The following USH1C variants were observed in gnomAD, a reference collection of about 807,000 sequenced individuals.
The protein encoded by USH1C is harmonin.
In USH1C, 90 loss-of-function variants were observed where a neutral mutation model predicts 119.3. That is an observed-to-expected ratio of 0.75 (90% CI 0.64 to 0.90). The LOEUF (loss-of-function observed/expected upper bound fraction) is 0.90, where lower values mean the gene tolerates loss of function less well. Among genes scored for constraint, USH1C ranks in the 40% least tolerant of loss-of-function variants. The pLI, the probability that USH1C is intolerant of heterozygous loss-of-function variation, is 0.00. For missense variants in USH1C, 1,165 were observed against 1,167.7 expected, an observed-to-expected ratio of 1.00 and a Z score of 0.03; for synonymous variants, 465 against 443.3, an observed-to-expected ratio of 1.05 and a Z score of -0.62.
intron 1 of USH1C, among the ~76,000 whole-genome samples, chr11:17,543,863 C>G (rs767824684): frequency 2.0e-5 from 3 of 152,238 alleles, no homozygotes; most frequent in Middle Eastern, 3.2e-3. Flanking sequence ...TTCTCCCAAC[C>G]CTCACCTCTC....
chr11:17,498,237 G>C lies in USH1C; in HGVS notation c.2415C>G (p.Ile805Met). The C allele has an allele frequency of 6.2e-7, 1 of 1,614,198 alleles. No individual in the cohort carries two copies. The highest frequency in any genetic ancestry group is 8.5e-7 in the Non-Finnish European group (1 of 1,180,028). ...GIVKGDEIMA[I>M]NGKIVTDYTL... ...TGTAGTCTGTCACAATCTTGCCGTT[G>C]ATTGCCATGATCTCGTCCCCTTTCA... Residue 805 changes from isoleucine to methionine, a missense_variant, in exon 24 of 27, where the codon ATC (isoleucine) becomes ATG (methionine). Transcript: ENST00000005226.
At chr11:17,528,691 C>T (rs1850824550) in intron 4 of USH1C, among the ~76,000 whole-genome samples, 1 of 152,294 alleles carries the variant, frequency 6.6e-6, no homozygotes, top group Middle Eastern at 3.4e-3. Flanking sequence ...ACAGCATTCC[C>T]ACAGAGTCAC....
intron 4 of USH1C, among the ~76,000 whole-genome samples, chr11:17,529,816 A>G (rs1392253624): frequency 6.6e-6 from 1 of 152,198 alleles, no homozygotes; most frequent in Non-Finnish European, 1.5e-5. Context: ...AAGCCTGAGA[A>G]ACAGCCAGGA....
intron 23 of USH1C, 93 bp downstream of exon 23, chr11:17,500,957 GC>G (rs1672728701): frequency 2.0e-6 from 2 of 1,025,366 alleles, no homozygotes; most frequent in South Asian, 2.7e-5. Flanking sequence ...GCAACCGTCA[GC>G]CCACTCCAAG....
chr11:17,510,006 G>T (rs191482806), intron 17 of USH1C, among the ~76,000 whole-genome samples, 168 bp from the exon 18 acceptor site: 2 of 152,298 alleles, frequency 1.3e-5, no homozygotes, highest in Non-Finnish European at 2.9e-5. Flanking sequence ...ATGCCCAGCT[G>T]AGGCCATACT....
At chr11:17,533,549 G>A (rs1592028885) in intron 1 of USH1C, 1 of 635,068 alleles carries the variant, frequency 1.6e-6, no homozygotes, top group Non-Finnish European at 2.9e-6. Flanking sequence ...CCCTCCAGAT[G>A]TGGCCAGGCA....
rs1175763033 is a variant in USH1C at position 17,531,026 on chromosome 11, C to G, written c.387+128G>C. The G allele has an allele frequency of 6.9e-7, 1 of 1,447,116 alleles. No homozygotes were observed. The highest frequency in any genetic ancestry group is 1.4e-5 in the African/African-American group (1 of 71,588). The allele number at this position is 1,447,116 out of a possible 1,614,324, so 89.6% of individuals were successfully genotyped here. On this transcript the variant is annotated intron_variant, in intron 4 of 26. Transcript: ENST00000005226. The surrounding 1 kb of genome is among the most constrained non-coding windows in gnomAD (Gnocchi z 4.2). ...AAGAACACCCATCAGGATGCGCCAG[C>G]CTCTTCTTCACCCGAAGGCTCAGAA...
intron 23 of USH1C, among the ~76,000 whole-genome samples, chr11:17,500,611 C>A (rs1446640552): frequency 6.6e-6 from 1 of 152,164 alleles, no homozygotes; most frequent in East Asian, 1.9e-4. Flanking sequence ...AAAGCCCTTT[C>A]TCCCCTTCGC....
Position 17,509,347 on chromosome 11 carries a change from G to C in USH1C, c.2013+9C>G. 6.4e-7 allele frequency: 1 copy of C among 1,569,972 alleles called. No homozygotes were observed. The highest frequency in any genetic ancestry group is 8.7e-7 in the Non-Finnish European group (1 of 1,153,162). On this transcript the variant is annotated intron_variant, in intron 18 of 26. Coordinates refer to ENST00000005226, the MANE Select transcript of USH1C (RefSeq NM_153676.4). ...CTTCCAAACATAGCATGCAGAACAGGGACATTACCTTTGGGGTGGGTGGGA... is the reference window on the plus strand; with the variant it reads ...CTTCCAAACATAGCATGCAGAACAGCGACATTACCTTTGGGGTGGGTGGGA...
rs759581780 is a variant in USH1C at position 17,531,414 on chromosome 11, G to T, written c.233C>A (p.Thr78Asn). The T allele has an allele frequency of 6.2e-7, 1 of 1,613,922 alleles. No individual in the cohort carries two copies. The highest frequency in any genetic ancestry group is 8.5e-7 in the Non-Finnish European group (1 of 1,179,948). ...LKHQVEYDQL[T>N]PRRSRKLKEV... ...TCCTCTGCACCTGGAGCGCCGGGGG[G>T]TCAGCTGATCATATTCCACCTGGTG... Residue 78 changes from threonine to asparagine, a missense_variant, in exon 3 of 27, where the codon ACC becomes AAC. Physicochemically the swap from Thr to Asn is moderately conservative, Grantham distance 65. Transcript: ENST00000005226. The surrounding 1 kb of genome is among the most constrained non-coding windows in gnomAD (Gnocchi z 4.2).
chr11:17,534,778 G>A (rs554835578), intron 1 of USH1C, among the ~76,000 whole-genome samples: 1 of 151,790 alleles, frequency 6.6e-6, no homozygotes, highest in East Asian at 2.0e-4. Context: ...GGAGGCTGAG[G>A]CAGGAGAATC....
At position 17,518,593 on chromosome 11, in the gene USH1C, G is replaced by T. The variant is rs116791726; in HGVS notation, c.1210+2277C>A. Among the ~76,000 whole-genome samples, 370 of 152,320 alleles carry T rather than the reference G, an allele frequency of 2.4e-3. 2 individuals carry two copies. The highest frequency in any genetic ancestry group is 8.5e-3 in the African/African-American group (352 of 41,562). On this transcript the variant is annotated intron_variant, in intron 14 of 26. Coordinates refer to ENST00000005226, the MANE Select transcript of USH1C (RefSeq NM_153676.4). Reference sequence around the variant, plus strand: ...GTTGGGGGTCTGCTGGATCAGCCACGGGTAGGTGGGCAGGAGCAATTTTAA... The same window carrying T: ...GTTGGGGGTCTGCTGGATCAGCCACTGGTAGGTGGGCAGGAGCAATTTTAA...
chr11:17,525,973 G>C (rs1850650134), intron 8 of USH1C, among the ~76,000 whole-genome samples: 1 of 152,200 alleles, frequency 6.6e-6, no homozygotes, highest in African/African-American at 2.4e-5. Context: ...GGCTGAGGTG[G>C]GAGGATCACT....
At chr11:17,523,315 G>A (rs757853449) in intron 10 of USH1C, 48 bp from the exon 11 acceptor site, 1 of 1,613,990 alleles carries the variant, frequency 6.2e-7, no homozygotes. Flanking sequence ...GACCACAGCA[G>A]TCCAGGCAGA....
chr11:17,493,942 T>C lies in USH1C; in HGVS notation c.*390A>G. ...TTATTAATGAGCTCAGAGTAAGGTT[T>C]GGAGTGACAATCCTGGCAGCAATTA... On this transcript the variant is annotated 3_prime_UTR_variant, in exon 27 of 27. Transcript: ENST00000005226. The C allele has an allele frequency of 3.2e-6, 1 of 313,968 alleles. No homozygotes were observed. The highest frequency in any genetic ancestry group is 3.6e-5 in the South Asian group (1 of 27,518). The allele number at this position is 313,968 out of a possible 1,614,324, so 19.4% of individuals were successfully genotyped here.
chr11:17,510,799 C>G (rs1261279695), intron 16 of USH1C, among the ~76,000 whole-genome samples: 3 of 152,086 alleles, frequency 2.0e-5, no homozygotes, highest in Non-Finnish European at 4.4e-5. Context: ...TCCCAGATCC[C>G]CATGAACCCT....
chr11:17,521,064 A>C (rs1850391021), intron 13 of USH1C, 70 bp from the exon 14 acceptor site: 1 of 1,594,712 alleles, frequency 6.3e-7, no homozygotes, highest in Admixed American at 1.7e-5. Context: ...CATATCGGAG[A>C]GCCCCAGCCA....
chr11:17,511,453 C>T (rs746397738), intron 16 of USH1C, among the ~76,000 whole-genome samples: 26 of 152,036 alleles, frequency 1.7e-4, no homozygotes, highest in Non-Finnish European at 3.8e-4. Flanking sequence ...AAGGGTTAGC[C>T]GCAGACCATA....
Position 17,496,769 on chromosome 11 carries a change from A to T in USH1C, c.2535T>A (p.Tyr845Ter). ...LVVAVCPPKE[Y>*]DDELASLPSS... Reference sequence around the variant, plus strand: ...TTGCACACACTTACAGCTCATCGTCATACTCCTTTGGGGGGCAGACGGCAA... The same window carrying T: ...TTGCACACACTTACAGCTCATCGTCTTACTCCTTTGGGGGGCAGACGGCAA... Residue 845 changes from tyrosine (Y) to a stop codon, truncating the protein, a stop_gained, in exon 25 of 27, where the codon TAT (tyrosine) becomes TAA (stop). Coordinates refer to ENST00000005226, the MANE Select transcript of USH1C (RefSeq NM_153676.4). LOFTEE classifies it high-confidence loss of function. 1 of 1,614,228 alleles carries T rather than the reference A, an allele frequency of 6.2e-7. No homozygotes were observed. Among genetic ancestry groups the T allele is most frequent in the Non-Finnish European group, 8.5e-7 (1 of 1,180,024 alleles).
Sources: allele counts gnomAD v4.1 joint callset (sites outside exome capture counted in the v4.1 genomes callset), GRCh38; gene constraint gnomAD v4.1.1; non-coding constraint Gnocchi (gnomAD v3.1); transcripts MANE v1.5; gene names NCBI Gene and HGNC (gene_info 2026-07-23, HGNC 2026-07-21).